Variants in PRKD1 observed in about 807,000 individuals in gnomAD.
PRKD1 encodes serine/threonine-protein kinase D1.
PRKD1 carries 63 observed loss-of-function variants against 95.9 expected under a neutral mutation model. That is an observed-to-expected ratio of 0.66 (90% CI 0.54 to 0.81). The LOEUF is 0.81. Ranked by LOEUF, PRKD1 falls within the 30% of genes least tolerant of loss-of-function variation. The probability of loss-of-function intolerance (pLI) is 0.00; values close to 1 mark genes in which losing one functional copy is unlikely to be tolerated. For synonymous variants in PRKD1, 425 were observed against 423.1 expected (o/e 1.00, Z -0.05); for missense variants, 1,048 against 1,165.3 (o/e 0.90, Z 1.47).
chr14:29,853,814 T>C (rs1892398851), intron 1 of PRKD1, among the ~76,000 whole-genome samples: 2 of 152,152 alleles, frequency 1.3e-5, no homozygotes, highest in Non-Finnish European at 2.9e-5. Context: ...GTCTTTCCCA[T>C]GCTGTTCTCA....
At chr14:29,676,921 C>T (rs1286960242) in intron 2 of PRKD1, among the ~76,000 whole-genome samples, 1 of 152,150 alleles carries the variant, frequency 6.6e-6, no homozygotes, top group Non-Finnish European at 1.5e-5. Flanking sequence ...AAATTAATTA[C>T]AATTTAATAA....
At chr14:29,686,392 T>C (rs923869976) in intron 2 of PRKD1, among the ~76,000 whole-genome samples, 2 of 152,208 alleles carry the variant, frequency 1.3e-5, no homozygotes, top group Non-Finnish European at 2.9e-5. Flanking sequence ...TGGCATGTTA[T>C]CTAGCTACTC....
At chr14:29,859,144 G>C (rs1485335187) in intron 1 of PRKD1, among the ~76,000 whole-genome samples, 2 of 152,188 alleles carry the variant, frequency 1.3e-5, no homozygotes, top group Non-Finnish European at 2.9e-5. Flanking sequence ...GCCATCAAAA[G>C]TCAAAGCCAA....
At chr14:29,690,195 C>G (rs902166516) in intron 2 of PRKD1, among the ~76,000 whole-genome samples, 3 of 152,110 alleles carry the variant, frequency 2.0e-5, no homozygotes, top group Non-Finnish European at 4.4e-5. Flanking sequence ...TCATCCACTC[C>G]CATGGTTTAA....
intron 2 of PRKD1, among the ~76,000 whole-genome samples, chr14:29,712,259 T>C (rs1444950513): frequency 6.6e-6 from 1 of 152,106 alleles, no homozygotes; most frequent in East Asian, 1.9e-4. Flanking sequence ...CTCTTCATCA[T>C]TTTTTCCCCT....
At chr14:29,673,514 T>C (rs1012185438) in intron 2 of PRKD1, among the ~76,000 whole-genome samples, 3 of 152,218 alleles carry the variant, frequency 2.0e-5, no homozygotes, top group African/African-American at 7.2e-5. Context: ...CTCTTTTCCA[T>C]AGCGTCCTGG....
chr14:29,621,658 C>CAGCATAACTG (rs1879275348), intron 13 of PRKD1, among the ~76,000 whole-genome samples: 1 of 152,168 alleles, frequency 6.6e-6, no homozygotes, highest in Non-Finnish European at 1.5e-5. Context: ...ATATCCAACT[C>CAGCATAACTG]AGCATAACTG....
At position 29,791,492 on chromosome 14, in the gene PRKD1, C is replaced by T. The variant is rs375743318; in HGVS notation, c.265-65818G>A. 1.2e-4 allele frequency among the ~76,000 whole-genome samples: 19 copies of T among 152,228 alleles called. No individual in the cohort carries two copies. The East Asian group carries it at 3.7e-3, about 29-fold the overall frequency. Reference sequence around the variant, plus strand: ...ACTCTCTCCCTTAGCTGTTTCCTACCCGTCAATTCCAGACAACCACTGATC... The same window carrying T: ...ACTCTCTCCCTTAGCTGTTTCCTACTCGTCAATTCCAGACAACCACTGATC... On this transcript the variant is annotated intron_variant, in intron 1 of 17. Coordinates refer to ENST00000331968, the MANE Select transcript of PRKD1 (RefSeq NM_002742.3).
At chr14:29,799,484 T>C (rs1033749683) in intron 1 of PRKD1, among the ~76,000 whole-genome samples, 5 of 152,248 alleles carry the variant, frequency 3.3e-5, no homozygotes, top group African/African-American at 1.2e-4. Flanking sequence ...TTGTTATTTA[T>C]AGCACAGATT....
At chr14:29,648,025 C>T (rs1286624677) in intron 4 of PRKD1, among the ~76,000 whole-genome samples, 3 of 152,126 alleles carry the variant, frequency 2.0e-5, no homozygotes, top group Admixed American at 2.0e-4. Context: ...ATTTTGTGAC[C>T]CTGCAGCTGC....
At chr14:29,765,633 A>T (rs904559931) in intron 1 of PRKD1, among the ~76,000 whole-genome samples, 4 of 152,176 alleles carry the variant, frequency 2.6e-5, no homozygotes, top group Non-Finnish European at 4.4e-5. Context: ...CCAAATGTCC[A>T]CTAACAGAAT....
chr14:29,873,145 G>T (rs1893171350), intron 1 of PRKD1, among the ~76,000 whole-genome samples: 1 of 152,026 alleles, frequency 6.6e-6, no homozygotes, highest in Non-Finnish European at 1.5e-5. Flanking sequence ...GAGTATAATG[G>T]CAAGATCGCA....
chr14:29,634,235 T>C (rs1191599), intron 8 of PRKD1, among the ~76,000 whole-genome samples, 183 bp downstream of exon 8: 146,298 of 152,298 alleles, frequency 0.96, 70,339 homozygotes, highest in Non-Finnish European at 0.98. Context: ...TTTCCTAACT[T>C]CGTTGCTTGC....
intron 1 of PRKD1, among the ~76,000 whole-genome samples, chr14:29,909,432 C>T (rs983561506): frequency 5.9e-5 from 9 of 152,156 alleles, no homozygotes; most frequent in African/African-American, 1.9e-4. Flanking sequence ...GCTCCACCTG[C>T]GGCCTGGGTG....
At chr14:29,713,394 C>G (rs1885429102) in intron 2 of PRKD1, among the ~76,000 whole-genome samples, 1 of 152,052 alleles carries the variant, frequency 6.6e-6, no homozygotes, top group Non-Finnish European at 1.5e-5. Flanking sequence ...AGGAATCTAC[C>G]AAAGAAAGAT....
At chr14:29,775,104 T>C (rs1277945181) in intron 1 of PRKD1, among the ~76,000 whole-genome samples, 1 of 152,144 alleles carries the variant, frequency 6.6e-6, no homozygotes, top group Non-Finnish European at 1.5e-5. Flanking sequence ...AATTCTTGTC[T>C]GATTTATGAA....
chr14:29,635,421 A>G (rs910607184), intron 7 of PRKD1, among the ~76,000 whole-genome samples: 1 of 152,170 alleles, frequency 6.6e-6, no homozygotes, highest in African/African-American at 2.4e-5. Context: ...GTATGTCTTC[A>G]AAAGACAGGT....
chr14:29,586,502 T>G (rs933771838), intron 16 of PRKD1, among the ~76,000 whole-genome samples: 3 of 152,218 alleles, frequency 2.0e-5, no homozygotes, highest in Non-Finnish European at 4.4e-5. Context: ...TATGTAAGAA[T>G]GAAATCTGGG....
intron 2 of PRKD1, among the ~76,000 whole-genome samples, chr14:29,670,169 G>A (rs1275980519): frequency 6.6e-6 from 1 of 152,172 alleles, no homozygotes; most frequent in Non-Finnish European, 1.5e-5. Flanking sequence ...CATAGTTTAT[G>A]TTATGTGTTA....
Sources: gnomAD v4.1 joint callset for allele counts (sites outside exome capture counted in the v4.1 genomes callset) on GRCh38, gnomAD v4.1.1 for gene constraint, MANE v1.5 for transcripts, NCBI Gene and HGNC (gene_info 2026-07-23, HGNC 2026-07-21) for gene names.